ZNF451: variants seen among roughly 807,000 people sequenced by gnomAD.
ZNF451 encodes zinc finger protein 451.
Under a neutral mutation model 107.1 loss-of-function variants are expected in ZNF451, and 80 were observed. The ratio of observed to expected loss-of-function variants is 0.75; its 90% CI spans 0.62 to 0.90. The LOEUF is 0.90. Ranked by LOEUF, ZNF451 falls within the 40% of genes least tolerant of loss-of-function variation. The pLI, the probability that ZNF451 is intolerant of heterozygous loss-of-function variation, is 0.00. For synonymous variants in ZNF451, 362 were observed against 406.5 expected (o/e 0.89, Z 1.32); for missense variants, 1,107 against 1,236.2 (o/e 0.90, Z 1.57).
chr6:57,162,577 T>C (rs963033772), intron 14 of ZNF451, among the ~76,000 whole-genome samples: 3 of 152,214 alleles, frequency 2.0e-5, no homozygotes, highest in African/African-American at 7.2e-5. Flanking sequence ...ATGAAAGAAC[T>C]TTTGTGCGTT....
intron 3 of ZNF451, among the ~76,000 whole-genome samples, chr6:57,123,325 A>G (rs1052600619): frequency 1.3e-5 from 2 of 152,362 alleles, no homozygotes; most frequent in African/African-American, 4.8e-5. Context: ...CTACACAGCC[A>G]TAATAAAGAA....
chr6:57,144,182 T>G (rs1831934045), intron 9 of ZNF451, among the ~76,000 whole-genome samples: 2 of 151,758 alleles, frequency 1.3e-5, no homozygotes, highest in Admixed American at 1.3e-4. Flanking sequence ...ATAGTTGAAA[T>G]TATATACCCT....
chr6:57,145,843 G>A (rs114603372), intron 9 of ZNF451, among the ~76,000 whole-genome samples: 3,295 of 152,078 alleles, frequency 0.022, 124 homozygotes, highest in African/African-American at 0.076. Context: ...ATCAAAGGGC[G>A]GTTCTATTTT....
intron 13 of ZNF451, among the ~76,000 whole-genome samples, chr6:57,159,642 G>T (rs1298221937): frequency 6.6e-6 from 1 of 151,176 alleles, no homozygotes; most frequent in African/African-American, 2.4e-5. Flanking sequence ...GCGAGCCAAA[G>T]ATTGGACACC....
At chr6:57,092,441 A>C (rs757529086) in intron 2 of ZNF451, among the ~76,000 whole-genome samples, 1 of 152,144 alleles carries the variant, frequency 6.6e-6, no homozygotes, top group Non-Finnish European at 1.5e-5. Context: ...TTCCCAAATA[A>C]AGGTTCAGAG....
Position 57,134,882 on chromosome 6 carries a change from T to C in ZNF451, c.702+12T>C. 6.3e-7 allele frequency: 1 copy of C among 1,595,200 alleles called. No homozygotes were observed. The highest frequency in any genetic ancestry group is 8.5e-7 in the Non-Finnish European group (1 of 1,169,796). ...ACCTTTTTGATAAGGTAAGAGCATG[T>C]CCTAAATTAAAAGTATTATTTTTCT... On this transcript the variant is annotated intron_variant, in intron 7 of 14. Coordinates refer to ENST00000370706, the MANE Select transcript of ZNF451 (RefSeq NM_001031623.3).
At chr6:57,137,995 GT>G (rs1416956059) in intron 7 of ZNF451, among the ~76,000 whole-genome samples, 1 of 152,150 alleles carries the variant, frequency 6.6e-6, no homozygotes, top group Admixed American at 6.5e-5. Flanking sequence ...GTATTTAACA[GT>G]TCATCAGTTG....
intron 3 of ZNF451, among the ~76,000 whole-genome samples, chr6:57,117,475 A>G (rs1225447439): frequency 1.3e-5 from 2 of 152,172 alleles, no homozygotes; most frequent in Non-Finnish European, 2.9e-5. Context: ...ATGGTAGGCT[A>G]GTGATTAATT....
intron 3 of ZNF451, among the ~76,000 whole-genome samples, chr6:57,120,291 T>C (rs1830577381): frequency 6.6e-6 from 1 of 152,242 alleles, no homozygotes; most frequent in Admixed American, 6.5e-5. Context: ...TTCTATTGTC[T>C]GAATATACCA....
intron 4 of ZNF451, among the ~76,000 whole-genome samples, chr6:57,126,165 A>G (rs1830919312): frequency 1.3e-5 from 2 of 152,180 alleles, no homozygotes; most frequent in Non-Finnish European, 2.9e-5. Flanking sequence ...ACCCATGTAA[A>G]TGGTCATTCA....
At chr6:57,092,125 G>A (rs1256286755) in intron 2 of ZNF451, among the ~76,000 whole-genome samples, 1 of 152,056 alleles carries the variant, frequency 6.6e-6, no homozygotes, top group Non-Finnish European at 1.5e-5. Context: ...CTGAATCTTG[G>A]TATATTTGTG....
chr6:57,119,939 G>A (rs1830558035), intron 3 of ZNF451, among the ~76,000 whole-genome samples: 1 of 151,940 alleles, frequency 6.6e-6, no homozygotes. Flanking sequence ...TTACATTAGG[G>A]TTCATAGTTT....
In ZNF451 at chr6:57,157,296, TATC is replaced by T. The variant is rs550361239; in HGVS notation, c.3070+3252_3070+3254del. 2.0e-3 allele frequency among the ~76,000 whole-genome samples: 308 copies of T among 152,316 alleles called. 1 individual carries two copies. Among genetic ancestry groups the T allele is most frequent in the Middle Eastern group, 0.017 (5 of 294 alleles). ...ATTGTTATCAGAATCGATCATATGG[TATC>T]ATACTAGGAGAAATTAGTCTTTGCT... On this transcript the variant is annotated intron_variant, in intron 13 of 14. Coordinates refer to ENST00000370706, the MANE Select transcript of ZNF451 (RefSeq NM_001031623.3).
chr6:57,107,812 T>G (rs1393762526), intron 3 of ZNF451: 1 of 983,834 alleles, frequency 1.0e-6, no homozygotes, highest in Non-Finnish European at 1.2e-6. Context: ...TTTGGTAACG[T>G]GAAAGTAAAT....
In ZNF451 at chr6:57,148,055, A is replaced by T; in HGVS notation, c.1970A>T (p.Asp657Val). 3 of 1,614,118 alleles carry T rather than the reference A, an allele frequency of 1.9e-6. No individual in the cohort carries two copies. Among genetic ancestry groups the T allele is most frequent in the Non-Finnish European group, 2.5e-6 (3 of 1,179,982 alleles). The change falls in exon 10 of 15, where the codon GAT (aspartate) becomes GTT (valine). Residue 657 changes from aspartate (D) to valine (V), a missense_variant. By Grantham distance (152) the Asp-to-Val change is radical. This residue lies in a region of ZNF451 where 608 missense variants were observed against 649.2 expected (regional missense o/e 0.94). Coordinates refer to ENST00000370706, the MANE Select transcript of ZNF451 (RefSeq NM_001031623.3). Reference protein sequence around the residue: ...KIETLYRHCQDEHDNEIKIKY... With the variant: ...KIETLYRHCQVEHDNEIKIKY... ...GAAACATTGTACCGACATTGCCAAG[A>T]TGAGCATGACAATGAGATAAAGATT... is the stretch of plus-strand genomic sequence containing the variant.
chr6:57,150,948 T>C, intron 11 of ZNF451, 86 bp downstream of exon 11: 1 of 1,444,860 alleles, frequency 6.9e-7, no homozygotes, highest in Non-Finnish European at 9.5e-7. Flanking sequence ...TAAACCTTCC[T>C]GGATAGAACA....
In ZNF451 at chr6:57,147,265, G is replaced by A. The variant is rs1374967513; in HGVS notation, c.1180G>A (p.Val394Met). Residue 394 changes from valine to methionine, a missense_variant, in exon 10 of 15, where the codon GTG (valine) becomes ATG (methionine). This residue lies in a region of ZNF451 where 608 missense variants were observed against 649.2 expected (regional missense o/e 0.94). Transcript: ENST00000370706. The part of the protein sequence containing the change: ...SGHKVRVINS[V>M]EESVLLYCHS... ...ACACAAAGTCCGAGTCATTAACTCA[G>A]TGGAAGAATCAGTCTTACTCTATTG... 1.2e-6 allele frequency: 2 copies of A among 1,614,096 alleles called. No homozygotes were observed. Among genetic ancestry groups the A allele is most frequent in the Non-Finnish European group, 1.7e-6 (2 of 1,179,982 alleles).
At chr6:57,134,693 C>T in intron 6 of ZNF451, 51 bp from the exon 7 acceptor site, 1 of 1,557,354 alleles carries the variant, frequency 6.4e-7, no homozygotes, top group Non-Finnish European at 8.7e-7. Context: ...TAGTTGTTTC[C>T]CTAGAATGTA....
chr6:57,128,443 G>T (rs1831029649), intron 4 of ZNF451, among the ~76,000 whole-genome samples: 1 of 151,910 alleles, frequency 6.6e-6, no homozygotes, highest in Non-Finnish European at 1.5e-5. Context: ...TGAAAAATTT[G>T]GTTAATGTTT....
Sources: allele counts gnomAD v4.1 joint callset (sites outside exome capture counted in the v4.1 genomes callset), GRCh38; gene constraint gnomAD v4.1.1; regional missense constraint gnomAD v4.1.1; transcripts MANE v1.5; gene names NCBI Gene and HGNC (gene_info 2026-07-23, HGNC 2026-07-21).